The following MAPK10 variants were observed in gnomAD, a reference collection of about 807,000 sequenced individuals.
The protein encoded by MAPK10 is mitogen-activated protein kinase 10.
In MAPK10, 25 loss-of-function variants were observed where a neutral mutation model predicts 59.3. The ratio of observed to expected loss-of-function variants is 0.42; its 90% CI spans 0.31 to 0.59. The LOEUF (loss-of-function observed/expected upper bound fraction) is 0.59, where lower values mean the gene tolerates loss of function less well. Ranked by LOEUF, MAPK10 falls within the 20% of genes least tolerant of loss-of-function variation. The pLI, the probability that MAPK10 is intolerant of heterozygous loss-of-function variation, is 0.15. For synonymous variants in MAPK10, 190 were observed against 200.5 expected, an observed-to-expected ratio of 0.95 and a Z score of 0.44; for missense variants, 351 against 568.9, an observed-to-expected ratio of 0.62 and a Z score of 3.90.
chr4:86,138,681 G>A (rs1340785155), intron 4 of MAPK10, among the ~76,000 whole-genome samples: 7 of 150,554 alleles, frequency 4.6e-5, no homozygotes, highest in African/African-American at 1.7e-4. Context: ...GGAAGTTCTG[G>A]CCAGGGCAAT....
At chr4:86,356,529 A>G in intron 1 of MAPK10, 1 of 851,770 alleles carries the variant, frequency 1.2e-6, no homozygotes, top group Non-Finnish European at 1.4e-6. Flanking sequence ...CCTATTAAAT[A>G]CAGAAAACAA....
chr4:86,581,901 ATATATATATATATATAT>A (rs1762313263), intron 1 of MAPK10, among the ~76,000 whole-genome samples: 1 of 752 alleles, frequency 1.3e-3, no homozygotes, highest in Non-Finnish European at 2.0e-3. Flanking sequence ...TATATATATT[ATATATATATATATATAT>A]ATATATATAT....
chr4:86,244,984 C>T (rs1006373665), intron 2 of MAPK10, among the ~76,000 whole-genome samples: 1 of 151,904 alleles, frequency 6.6e-6, no homozygotes, highest in Non-Finnish European at 1.5e-5. Context: ...GAATTTTATC[C>T]AATATGTGGT....
chr4:86,559,052 C>T (rs1452226399), intron 1 of MAPK10, among the ~76,000 whole-genome samples: 1 of 152,088 alleles, frequency 6.6e-6, no homozygotes, highest in Admixed American at 6.6e-5. Flanking sequence ...TCTGCTATTG[C>T]ATTATACCTC....
At chr4:86,496,811 A>G (rs980251698) in intron 1 of MAPK10, among the ~76,000 whole-genome samples, 2 of 152,140 alleles carry the variant, frequency 1.3e-5, no homozygotes, top group African/African-American at 2.4e-5. Context: ...CCACCCAACA[A>G]AAAACATTAC....
chr4:86,538,223 C>T (rs1038722580), intron 1 of MAPK10, among the ~76,000 whole-genome samples: 10 of 151,892 alleles, frequency 6.6e-5, no homozygotes, highest in Non-Finnish European at 1.2e-4. Flanking sequence ...CTTGGCTCAC[C>T]GCAACCTCTG....
chr4:86,234,958 A>G (rs1035430138), intron 2 of MAPK10, among the ~76,000 whole-genome samples: 1 of 152,178 alleles, frequency 6.6e-6, no homozygotes, highest in Non-Finnish European at 1.5e-5. Flanking sequence ...AGGAGAAAAG[A>G]GAAGAGTTTT....
rs144823830 is a variant in MAPK10, at chr4:86,383,916, A to G, written c.-121-29272T>C. On this transcript the variant is annotated intron_variant, in intron 1 of 13. Transcript: ENST00000361569. ...TTAATTCTGAAGAATTAATGGCCTG[A>G]TTTATCTTCTTTGATTAATTTTTAA... 4.7e-4 allele frequency among the ~76,000 whole-genome samples: 72 copies of G among 152,286 alleles called. No individual in the cohort carries two copies. In the East Asian group the frequency reaches 0.013, roughly 28 times the overall value.
chr4:86,166,602 C>A (rs1205670943), intron 3 of MAPK10, among the ~76,000 whole-genome samples: 1 of 152,134 alleles, frequency 6.6e-6, no homozygotes, highest in Non-Finnish European at 1.5e-5. Context: ...ATAAAATCCA[C>A]AAAGAACCAA....
At chr4:86,386,975 T>C (rs754655335) in intron 1 of MAPK10, among the ~76,000 whole-genome samples, 1 of 151,940 alleles carries the variant, frequency 6.6e-6, no homozygotes. Flanking sequence ...AAAAATACTA[T>C]TCAATTTAAA....
intron 2 of MAPK10, among the ~76,000 whole-genome samples, chr4:86,223,995 C>T (rs1347667207): frequency 6.6e-6 from 1 of 152,136 alleles, no homozygotes; most frequent in African/African-American, 2.4e-5. Context: ...GATGTCCATC[C>T]TTCCTCTGGA....
At chr4:86,515,450 C>G (rs536491902) in intron 1 of MAPK10, among the ~76,000 whole-genome samples, 2 of 152,164 alleles carry the variant, frequency 1.3e-5, no homozygotes, top group Admixed American at 1.3e-4. Context: ...ACATTCCCAC[C>G]ATCAGTGTAA....
intron 1 of MAPK10, among the ~76,000 whole-genome samples, chr4:86,511,413 A>AAT (rs1413365608): frequency 6.6e-6 from 1 of 151,684 alleles, no homozygotes; most frequent in Non-Finnish European, 1.5e-5. Context: ...AATAAAATAA[A>AAT]AAATCAGCTG....
chr4:86,229,163 G>A (rs1420385660), intron 2 of MAPK10, among the ~76,000 whole-genome samples: 1 of 152,154 alleles, frequency 6.6e-6, no homozygotes, highest in Non-Finnish European at 1.5e-5. Flanking sequence ...AATGGGAAGA[G>A]CAAAGTCAAT....
At chr4:86,121,238 AAGTACAAGATCAAGAAAC>A (rs1269249171) in intron 4 of MAPK10, among the ~76,000 whole-genome samples, 6 of 152,202 alleles carry the variant, frequency 3.9e-5, no homozygotes, top group Non-Finnish European at 7.4e-5. Flanking sequence ...TGAGTCTGGG[AAGTACAAGATCAAGAAAC>A]AGCCAGATTT....
chr4:86,020,582 T>C (rs7670681), intron 13 of MAPK10: 22,267 of 163,654 alleles, frequency 0.14, 1,849 homozygotes, highest in African/African-American at 0.23. Flanking sequence ...GCGGTGAGTG[T>C]TACAGCTCTT....
chr4:86,106,450 T>A (rs2056552460), intron 5 of MAPK10, among the ~76,000 whole-genome samples: 1 of 148,802 alleles, frequency 6.7e-6, no homozygotes, highest in African/African-American at 2.4e-5. Context: ...TATATTTATA[T>A]CTAAAATGTA....
At chr4:86,526,523 C>A (rs769411918) in intron 1 of MAPK10, among the ~76,000 whole-genome samples, 6 of 152,132 alleles carry the variant, frequency 3.9e-5, no homozygotes, top group Non-Finnish European at 7.4e-5. Flanking sequence ...TTCAAAGAGG[C>A]AACTTTTGGT....
At chr4:86,489,712 T>C (rs929378525) in intron 1 of MAPK10, among the ~76,000 whole-genome samples, 18 of 152,038 alleles carry the variant, frequency 1.2e-4, no homozygotes, top group Non-Finnish European at 2.5e-4. Flanking sequence ...AGAGCTAGAG[T>C]CTTCTCAAAT....
Sources: allele counts gnomAD v4.1 joint callset (sites outside exome capture counted in the v4.1 genomes callset), GRCh38; gene constraint gnomAD v4.1.1; transcripts MANE v1.5; gene names NCBI Gene and HGNC (gene_info 2026-07-23, HGNC 2026-07-21).